Variants in YES1 observed in about 807,000 individuals in gnomAD.
The protein encoded by YES1 is tyrosine-protein kinase Yes.
A neutral mutation model predicts 70.4 loss-of-function variants in YES1; 39 were observed. The ratio of observed to expected loss-of-function variants is 0.55; its 90% confidence interval spans 0.43 to 0.72. The LOEUF is 0.72. YES1 is among the 30% of genes least tolerant of loss of function. The pLI is 0.00. For synonymous variants in YES1, 198 were observed against 218.6 expected (o/e 0.91, Z 0.83); for missense variants, 495 against 644.8 (o/e 0.77, Z 2.52).
intron 3 of YES1, among the ~76,000 whole-genome samples, chr18:749,798 T>C (rs2080322727): frequency 6.6e-6 from 1 of 150,504 alleles, no homozygotes. Flanking sequence ...GGGCAGAGCT[T>C]GCAGTGAGCC....
chr18:734,936 T>A (rs965761623), intron 10 of YES1, among the ~76,000 whole-genome samples: 1 of 152,092 alleles, frequency 6.6e-6, no homozygotes, highest in African/African-American at 2.4e-5. Context: ...GGCGTGTGGA[T>A]CACCTGAGGT....
At position 769,860 on chromosome 18, in the gene YES1, T is replaced by C. The variant is rs1030246942; in HGVS notation, c.-8-13025A>G. On this transcript the variant is annotated intron_variant, in intron 1 of 11. Coordinates refer to ENST00000314574, the MANE Select transcript of YES1 (RefSeq NM_005433.4). The stretch of plus-strand genomic sequence containing the variant: ...TTTTTGTCTATGGTCAAGAACCACA[T>C]TGTTCTTTAGTAGTATTTTCCTGTA... 8.5e-5 allele frequency among the ~76,000 whole-genome samples: 13 copies of C among 152,192 alleles called. 1 individual carries two copies. Among genetic ancestry groups the C allele is most frequent in the African/African-American group, 3.1e-4 (13 of 41,442 alleles).
At chr18:773,913 C>T (rs921301677) in intron 1 of YES1, among the ~76,000 whole-genome samples, 2 of 151,448 alleles carry the variant, frequency 1.3e-5, no homozygotes, top group Non-Finnish European at 2.9e-5. Context: ...CTCACTGCAA[C>T]CTCCACCTCC....
intron 11 of YES1, among the ~76,000 whole-genome samples, chr18:726,381 C>T (rs566976238): frequency 4.0e-5 from 6 of 151,752 alleles, no homozygotes; most frequent in African/African-American, 1.5e-4. Flanking sequence ...GCTGAGATCG[C>T]ACCACTGCAC....
At chr18:793,671 T>A (rs1219279650) in intron 1 of YES1, among the ~76,000 whole-genome samples, 1 of 152,102 alleles carries the variant, frequency 6.6e-6, no homozygotes. Flanking sequence ...GTAAGAGAAT[T>A]AACTGAAAAG....
chr18:795,489 G>GA (rs1906489594), intron 1 of YES1, among the ~76,000 whole-genome samples: 1 of 152,088 alleles, frequency 6.6e-6, no homozygotes, highest in African/African-American at 2.4e-5. Flanking sequence ...CAACAGCAAA[G>GA]ACTTGGAACC....
At chr18:765,460 G>A (rs1208801092) in intron 1 of YES1, among the ~76,000 whole-genome samples, 1 of 147,416 alleles carries the variant, frequency 6.8e-6, no homozygotes, top group African/African-American at 2.5e-5. Flanking sequence ...GTGTAGTGGC[G>A]TGATCTTGGC....
chr18:776,166 G>A (rs549471521), intron 1 of YES1, among the ~76,000 whole-genome samples: 2 of 151,808 alleles, frequency 1.3e-5, no homozygotes, highest in Admixed American at 1.3e-4. Flanking sequence ...AATTACCATT[G>A]CTTTACATCA....
At position 747,987 on chromosome 18, in the gene YES1, C is replaced by T. The variant is rs202083013; in HGVS notation, c.403G>A (p.Ala135Thr). ...GGGATATAACCATTCTTTCCTGTAG[C>T]GATTGATCTTGCTTCCCACCAATCT... ...EGDWWEARSI[A>T]TGKNGYIPSN... is the part of the protein sequence containing the mutation. The change falls in exon 4 of 12, where the codon GCT (alanine) becomes ACT (threonine). Residue 135 changes from alanine (A) to threonine (T), a missense_variant. By Grantham distance (58) the Ala-to-Thr change is moderately conservative (BLOSUM62 0). Around this residue, in one of 2 missense-constraint regions of YES1, gnomAD observed 385 missense variants for 540.9 expected, o/e 0.71. Transcript: ENST00000314574. The T allele has an allele frequency of 2.9e-5, 46 of 1,613,790 alleles. No individual in the cohort carries two copies. Among genetic ancestry groups the T allele is most frequent in the East Asian group, 2.2e-5 (1 of 44,856 alleles).
At chr18:734,805 G>A (rs1322556755) in intron 10 of YES1, among the ~76,000 whole-genome samples, 1 of 152,032 alleles carries the variant, frequency 6.6e-6, no homozygotes, top group African/African-American at 2.4e-5. Context: ...ACTCCTTAAA[G>A]AACGAAAAGC....
chr18:745,827 T>C lies in YES1; in HGVS notation c.605A>G (p.Asp202Gly), dbSNP rs1290821333. 1 of 1,612,738 alleles carries C rather than the reference T, an allele frequency of 6.2e-7. No individual in the cohort carries two copies. The highest frequency in any genetic ancestry group is 8.5e-7 in the Non-Finnish European group (1 of 1,179,728). Reference sequence around the variant, plus strand: ...TTTCACATTGTCACCCCTTATCTCATCCCAATCACGAATAGAAAGGGAATA... The same window carrying C: ...TTTCACATTGTCACCCCTTATCTCACCCCAATCACGAATAGAAAGGGAATA... ...GAYSLSIRDW[D>G]EIRGDNVKHY... Residue 202 changes from aspartate (D) to glycine (G), a missense_variant, in exon 6 of 12, where the codon GAT (aspartate) becomes GGT (glycine). By Grantham distance (94) the Asp-to-Gly change is moderately conservative (BLOSUM62 -1). This residue lies in a region of YES1 where 385 missense variants were observed against 540.9 expected (regional missense o/e 0.71). Transcript: ENST00000314574.
intron 1 of YES1, among the ~76,000 whole-genome samples, chr18:765,094 A>G (rs915339716): frequency 2.0e-5 from 3 of 151,538 alleles, no homozygotes; most frequent in African/African-American, 4.8e-5. Context: ...GAGGAAATCA[A>G]AAGAATTAAC....
chr18:793,406 C>T (rs1005579478), intron 1 of YES1, among the ~76,000 whole-genome samples: 7 of 152,116 alleles, frequency 4.6e-5, no homozygotes, highest in East Asian at 1.9e-4. Flanking sequence ...GCATGATCAT[C>T]GCTCACTACA....
rs143705522 is a variant in YES1, at chr18:799,487, A to C, written c.-9+12627T>G. Among the ~76,000 whole-genome samples, 1,043 of 152,238 alleles carry C rather than the reference A, an allele frequency of 6.9e-3. 5 individuals carry two copies. Among genetic ancestry groups the C allele is most frequent in the Non-Finnish European group, 0.011 (739 of 68,020 alleles). ...CACTCTGGGAGGCCAAGGTGGGTGGATCACTTGAGGTCAGGAGTTTGAGGC... is the reference window on the plus strand; with the variant it reads ...CACTCTGGGAGGCCAAGGTGGGTGGCTCACTTGAGGTCAGGAGTTTGAGGC... On this transcript the variant is annotated intron_variant, in intron 1 of 11. Coordinates refer to ENST00000314574, the MANE Select transcript of YES1 (RefSeq NM_005433.4).
At chr18:749,670 A>C (rs1020899510) in intron 3 of YES1, among the ~76,000 whole-genome samples, 7 of 151,940 alleles carry the variant, frequency 4.6e-5, no homozygotes, top group Admixed American at 6.6e-5. Flanking sequence ...CCTGGCTAAC[A>C]CGGTGAAACC....
chr18:757,482 G>T, intron 1 of YES1, among the ~76,000 whole-genome samples: 1 of 138,114 alleles, frequency 7.2e-6, no homozygotes, highest in Non-Finnish European at 1.5e-5. Context: ...CAGCCTGGGC[G>T]ACAGAGCGAG....
intron 1 of YES1, among the ~76,000 whole-genome samples, chr18:787,725 T>G (rs1253776021): frequency 1.3e-5 from 2 of 151,952 alleles, no homozygotes. Context: ...AAAAAAAATA[T>G]TCTGTTGAAT....
chr18:733,107 TA>T, intron 10 of YES1, 142 bp from the exon 11 acceptor site: 1 of 653,530 alleles, frequency 1.5e-6, no homozygotes, highest in Non-Finnish European at 2.4e-6. Context: ...ATACATGGGA[TA>T]AAAATTCTTT....
At chr18:770,779 A>C (rs1366818243) in intron 1 of YES1, among the ~76,000 whole-genome samples, 1 of 151,982 alleles carries the variant, frequency 6.6e-6, no homozygotes, top group Non-Finnish European at 1.5e-5. Flanking sequence ...TTTTGTCCAG[A>C]TTTTCAAGGT....
Sources: gnomAD v4.1 joint callset for allele counts (sites outside exome capture counted in the v4.1 genomes callset) on GRCh38, gnomAD v4.1.1 for gene constraint, gnomAD v4.1.1 regional missense constraint, MANE v1.5 for transcripts, NCBI Gene and HGNC (gene_info 2026-07-23, HGNC 2026-07-21) for gene names.